The following GTF2IRD1 variants were observed in gnomAD, a reference collection of about 807,000 sequenced individuals.
GTF2IRD1 encodes GTF2I repeat domain containing 1, also known as general transcription factor II-I repeat domain-containing protein 1.
A neutral mutation model predicts 113.2 loss-of-function variants in GTF2IRD1; 26 were observed. The ratio of observed to expected loss-of-function variants is 0.23; its 90% CI spans 0.17 to 0.32. The LOEUF is 0.32. Ranked by LOEUF, GTF2IRD1 falls within the 10% of genes least tolerant of loss-of-function variation. The pLI is 1.00. For synonymous variants in GTF2IRD1, 484 were observed against 529.1 expected, an observed-to-expected ratio of 0.91 and a Z score of 1.17; for missense variants, 864 against 1,280.8, an observed-to-expected ratio of 0.67 and a Z score of 4.97.
At chr7:74,548,913 C>CA (rs1221895901) in intron 17 of GTF2IRD1, among the ~76,000 whole-genome samples, 8 of 148,982 alleles carry the variant, frequency 5.4e-5, no homozygotes, top group African/African-American at 9.9e-5. Flanking sequence ...TCCTCAAAAA[C>CA]AAAAAAAACC....
intron 1 of GTF2IRD1, among the ~76,000 whole-genome samples, chr7:74,505,189 C>T (rs1486957773): frequency 6.6e-6 from 1 of 152,134 alleles, no homozygotes; most frequent in Non-Finnish European, 1.5e-5. Context: ...CCGGCCTCTG[C>T]CTTCATTTTC....
In GTF2IRD1 at chr7:74,529,742, C is replaced by T. The variant is rs1554348225; in HGVS notation, c.1099C>T (p.Leu367=). The T allele has an allele frequency of 6.2e-7, 1 of 1,614,034 alleles. No homozygotes were observed. The highest frequency in any genetic ancestry group is 8.5e-7 in the Non-Finnish European group (1 of 1,179,970). The part of the protein sequence containing the change: ...ILFNSRYAEA[L]GLDHMVPVPY... ...TTTGGTTGTCTTTCCAGCGGAAGCC[C>T]TGGGCCTGGACCACATGGTCCCCGT... Residue 367 remains leucine (L), a synonymous_variant, in exon 9 of 27, where the codon CTG becomes TTG. Transcript: ENST00000424337.
At chr7:74,510,865 A>G (rs1366362303) in intron 2 of GTF2IRD1, among the ~76,000 whole-genome samples, 1 of 151,970 alleles carries the variant, frequency 6.6e-6, no homozygotes, top group South Asian at 2.1e-4. Flanking sequence ...CCTGGCCAAC[A>G]TGGTGAAACT....
Position 74,512,926 on chromosome 7 carries a change from C to T in GTF2IRD1, c.220C>T (p.Leu74=), listed in dbSNP as rs2130122605. 7 of 1,614,154 alleles carry T rather than the reference C, an allele frequency of 4.3e-6. No individual in the cohort carries two copies. Among genetic ancestry groups the T allele is most frequent in the Non-Finnish European group, 8.5e-7 (1 of 1,180,012 alleles). The change falls in exon 3 of 27, where the codon CTG becomes TTG. Residue 74 remains leucine, a synonymous_variant. Coordinates refer to ENST00000424337, the MANE Select transcript of GTF2IRD1 (RefSeq NM_005685.4). The surrounding 1 kb of genome is among the most constrained non-coding windows in gnomAD (Gnocchi z 4.4). ...GGGCACAGAGAAGGGGAGAATGTTC[C>T]TGAATGCCCGGAAGGAGCTACAGTC... ...VVGTEKGRMF[L]NARKELQSDF... is the part of the protein sequence containing the mutation.
At chr7:74,491,375 T>C (rs368558476) in intron 1 of GTF2IRD1, among the ~76,000 whole-genome samples, 2 of 147,140 alleles carry the variant, frequency 1.4e-5, no homozygotes, top group Admixed American at 6.9e-5. Flanking sequence ...GTTTGTGACA[T>C]AGGTAAACTT....
chr7:74,456,705 T>C (rs1793000886), intron 1 of GTF2IRD1, among the ~76,000 whole-genome samples: 1 of 151,502 alleles, frequency 6.6e-6, no homozygotes, highest in Non-Finnish European at 1.5e-5. Flanking sequence ...GAAAAAATTC[T>C]GTAGTCTTGC....
intron 16 of GTF2IRD1, 58 bp from the exon 17 acceptor site, chr7:74,547,045 G>C: frequency 3.3e-6 from 5 of 1,498,882 alleles, no homozygotes; most frequent in Non-Finnish European, 4.6e-6. Context: ...GGGACACAGG[G>C]GTTGAGGCTC....
chr7:74,509,625 G>A (rs1796505880), intron 2 of GTF2IRD1, among the ~76,000 whole-genome samples: 1 of 152,196 alleles, frequency 6.6e-6, no homozygotes, highest in Admixed American at 6.5e-5. Flanking sequence ...AGCACAGAGA[G>A]GGTAGTACCT....
chr7:74,569,849 C>T (rs1457863291), intron 22 of GTF2IRD1, among the ~76,000 whole-genome samples: 3 of 152,080 alleles, frequency 2.0e-5, no homozygotes, highest in Non-Finnish European at 4.4e-5. Context: ...GCTTGTGAGA[C>T]ACATCCAGGG....
At chr7:74,552,478 T>G (rs1349961851) in intron 17 of GTF2IRD1, among the ~76,000 whole-genome samples, 1 of 152,168 alleles carries the variant, frequency 6.6e-6, no homozygotes, top group Admixed American at 6.5e-5. Flanking sequence ...ATCGCGCCCC[T>G]GCACTCCAGC....
chr7:74,541,865 C>T (rs1562852629), intron 14 of GTF2IRD1, among the ~76,000 whole-genome samples: 1 of 152,038 alleles, frequency 6.6e-6, no homozygotes, highest in Non-Finnish European at 1.5e-5. Flanking sequence ...TTTGCCATTG[C>T]ACTCCAGCCT....
chr7:74,510,803 C>T (rs1796586113), intron 2 of GTF2IRD1, among the ~76,000 whole-genome samples: 1 of 151,954 alleles, frequency 6.6e-6, no homozygotes, highest in Non-Finnish European at 1.5e-5. Flanking sequence ...AATCCCAGCA[C>T]CCTGAGAGGC....
At chr7:74,587,429 G>A (rs1554368153) in intron 22 of GTF2IRD1, among the ~76,000 whole-genome samples, 5 of 151,792 alleles carry the variant, frequency 3.3e-5, no homozygotes, top group Admixed American at 2.0e-4. Flanking sequence ...GGGCAACAGA[G>A]TGAGACTCTG....
chr7:74,543,889 A>C (rs1180503436), intron 14 of GTF2IRD1, among the ~76,000 whole-genome samples: 2 of 150,908 alleles, frequency 1.3e-5, no homozygotes, highest in African/African-American at 2.5e-5. Flanking sequence ...AAAAAAAAAA[A>C]AAAAAAACAA....
At chr7:74,506,418 G>A (rs1238752302) in intron 1 of GTF2IRD1, 2 of 152,198 alleles carry the variant, frequency 1.3e-5, no homozygotes, top group Non-Finnish European at 2.9e-5. Context: ...GCCCTTTGTG[G>A]TGCCAGCCCC....
chr7:74,558,343 G>GTTTTTTTTTTTTT (rs1562868915), intron 20 of GTF2IRD1, among the ~76,000 whole-genome samples: 1 of 74,010 alleles, frequency 1.4e-5, no homozygotes, highest in Admixed American at 1.4e-4. Context: ...TTTTTCTTTC[G>GTTTTTTTTTTTTT]TTTCTTTTTT....
At chr7:74,508,774 T>C (rs1796449077) in intron 2 of GTF2IRD1, among the ~76,000 whole-genome samples, 1 of 151,888 alleles carries the variant, frequency 6.6e-6, no homozygotes, top group Non-Finnish European at 1.5e-5. Context: ...CCTCTTGCCA[T>C]TCCCACTTTG....
intron 8 of GTF2IRD1, 90 bp from the exon 9 acceptor site, chr7:74,529,644 G>C: frequency 9.9e-7 from 1 of 1,012,496 alleles, no homozygotes; most frequent in Non-Finnish European, 1.5e-6. Flanking sequence ...GAGTGGGGAC[G>C]GTGGGAGGTG....
At chr7:74,569,609 T>C (rs587715963) in intron 22 of GTF2IRD1, among the ~76,000 whole-genome samples, 32 of 152,286 alleles carry the variant, frequency 2.1e-4, no homozygotes, top group African/African-American at 7.0e-4. Context: ...AGATTTGCGC[T>C]GTCTTCAGGT....
Sources: allele counts gnomAD v4.1 joint callset (sites outside exome capture counted in the v4.1 genomes callset), GRCh38; gene constraint gnomAD v4.1.1; non-coding constraint Gnocchi (gnomAD v3.1); transcripts MANE v1.5; gene names NCBI Gene and HGNC (gene_info 2026-07-23, HGNC 2026-07-21).